The following MAML3 variants were observed in gnomAD, a reference collection of about 807,000 sequenced individuals.
MAML3 encodes the protein mastermind like transcriptional coactivator 3.
Under a neutral mutation model 101.9 loss-of-function variants are expected in MAML3, and 27 were observed. The observed-to-expected ratio is 0.27, with a 90% confidence interval of 0.20 to 0.37. The LOEUF (loss-of-function observed/expected upper bound fraction) is 0.37, where lower values mean the gene tolerates loss of function less well. Ranked by LOEUF, MAML3 falls within the 10% of genes least tolerant of loss-of-function variation. MAML3 has a pLI of 1.00. For missense variants in MAML3, 1,316 were observed against 1,444.9 expected, an observed-to-expected ratio of 0.91 and a Z score of 1.45; for synonymous variants, 501 against 555.9, an observed-to-expected ratio of 0.90 and a Z score of 1.39.
intron 1 of MAML3, among the ~76,000 whole-genome samples, chr4:140,028,258 G>A (rs1012608186): frequency 2.6e-5 from 4 of 152,290 alleles, no homozygotes; most frequent in Non-Finnish European, 4.4e-5. Flanking sequence ...GAAAGCATGT[G>A]TGGCTTCTAA....
chr4:139,890,574 A>G lies in MAML3; in HGVS notation c.862T>C (p.Ser288Pro), dbSNP rs113420760. 4.3e-6 allele frequency: 7 copies of G among 1,613,888 alleles called. No homozygotes were observed. Among genetic ancestry groups the G allele is most frequent in the Non-Finnish European group, 5.1e-6 (6 of 1,179,900 alleles). ...PLDDPTCIDTSETSLSNQNKL... is the reference protein window; with the variant it reads ...PLDDPTCIDTPETSLSNQNKL... ...TTCTGATTTGAAAGAGATGTTTCTG[A>G]TGTGTCTATGCAAGTAGGGTCATCG... Residue 288 changes from serine to proline, a missense_variant, in exon 2 of 5, where the codon TCA becomes CCA. By Grantham distance (74) the Ser-to-Pro change is moderately conservative (BLOSUM62 -1). Coordinates refer to ENST00000509479, the MANE Select transcript of MAML3 (RefSeq NM_018717.5). The surrounding 1 kb of genome is among the most constrained non-coding windows in gnomAD (Gnocchi z 4.1).
intron 1 of MAML3, among the ~76,000 whole-genome samples, chr4:139,984,607 A>G (rs1427423991): frequency 6.6e-6 from 1 of 152,234 alleles, no homozygotes; most frequent in African/African-American, 2.4e-5. Flanking sequence ...TCTCTAAAAA[A>G]ACAGAACCAA....
intron 1 of MAML3, among the ~76,000 whole-genome samples, chr4:140,009,392 C>T (rs1313454141): frequency 6.6e-6 from 1 of 152,204 alleles, no homozygotes; most frequent in East Asian, 1.9e-4. Context: ...CCGATCCTGA[C>T]CCACTTTCCC....
intron 1 of MAML3, among the ~76,000 whole-genome samples, chr4:140,122,035 C>G (rs987321482): frequency 6.6e-6 from 1 of 152,140 alleles, no homozygotes; most frequent in Non-Finnish European, 1.5e-5. Context: ...CTCCTTCCGC[C>G]ATGATTGTAA....
chr4:140,152,922 T>C lies in MAML3; in HGVS notation c.406A>G (p.Ser136Gly). ...GCCTCCGCATCTTGCTGGGGTTTGC[T>C]CGGGTGCTGCTGTTTGCCGGTGCCG... ...GAGTGKQQHP[S>G]KPQQDAEAAS... The change falls in exon 1 of 5, where the codon AGC becomes GGC. Residue 136 changes from serine (S) to glycine (G), a missense_variant. Ser to Gly is a moderately conservative substitution (Grantham distance 56). Coordinates refer to ENST00000509479, the MANE Select transcript of MAML3 (RefSeq NM_018717.5). The C allele has an allele frequency of 6.2e-7, 1 of 1,612,716 alleles. No homozygotes were observed. Among genetic ancestry groups the C allele is most frequent in the Non-Finnish European group, 8.5e-7 (1 of 1,179,688 alleles).
chr4:139,956,557 C>T (rs928688353), intron 1 of MAML3, among the ~76,000 whole-genome samples: 4 of 152,132 alleles, frequency 2.6e-5, no homozygotes, highest in Non-Finnish European at 5.9e-5. Context: ...AATAGAGTCC[C>T]CGAATGAAAG....
intron 1 of MAML3, among the ~76,000 whole-genome samples, chr4:140,024,989 C>T (rs1438237937): frequency 6.6e-6 from 1 of 152,190 alleles, no homozygotes; most frequent in Non-Finnish European, 1.5e-5. Flanking sequence ...ATTACTCTTT[C>T]CTAAGAGTAC....
At chr4:139,969,812 C>A (rs1734202786) in intron 1 of MAML3, among the ~76,000 whole-genome samples, 1 of 152,210 alleles carries the variant, frequency 6.6e-6, no homozygotes, top group African/African-American at 2.4e-5. Flanking sequence ...TAAACATTGG[C>A]AGCCCTGACT....
intron 2 of MAML3, among the ~76,000 whole-genome samples, chr4:139,809,755 C>G (rs1035857574): frequency 1.3e-5 from 2 of 152,172 alleles, no homozygotes; most frequent in Non-Finnish European, 2.9e-5. Flanking sequence ...TAACCCACCC[C>G]ACATGTGAGC....
At chr4:139,975,707 G>A (rs1343953982) in intron 1 of MAML3, among the ~76,000 whole-genome samples, 1 of 152,132 alleles carries the variant, frequency 6.6e-6, no homozygotes, top group Non-Finnish European at 1.5e-5. Context: ...GTGAATGAAG[G>A]CATGAATATA....
intron 2 of MAML3, among the ~76,000 whole-genome samples, chr4:139,795,857 C>T (rs993632342): frequency 3.9e-5 from 6 of 152,196 alleles, no homozygotes; most frequent in East Asian, 1.9e-4. Context: ...TGTGTAACTA[C>T]GCATGTATGT....
chr4:139,798,674 A>G (rs1380387259), intron 2 of MAML3, among the ~76,000 whole-genome samples: 1 of 152,226 alleles, frequency 6.6e-6, no homozygotes, highest in African/African-American at 2.4e-5. Context: ...GAGGTAAAAC[A>G]GGTCAGGGCC....
chr4:139,998,250 T>C lies in MAML3; in HGVS notation c.469-107283A>G, dbSNP rs114570556. Among the ~76,000 whole-genome samples, 379 of 152,282 alleles carry C rather than the reference T, an allele frequency of 2.5e-3. 2 individuals are homozygous for C. Among genetic ancestry groups the C allele is most frequent in the African/African-American group, 8.7e-3 (363 of 41,562 alleles). On this transcript the variant is annotated intron_variant, in intron 1 of 4. Coordinates refer to ENST00000509479, the MANE Select transcript of MAML3 (RefSeq NM_018717.5). ...ATTGATCTATCACATTAGCTGATGG[T>C]TTCTTCTGTCTTGTTGAATATGCTG...
At chr4:140,074,413 C>G (rs966290318) in intron 1 of MAML3, among the ~76,000 whole-genome samples, 5 of 152,084 alleles carry the variant, frequency 3.3e-5, no homozygotes, top group African/African-American at 1.2e-4. Context: ...TCGGAAGGGT[C>G]AGCTAACAGC....
chr4:139,906,426 T>C (rs912821663), intron 1 of MAML3, among the ~76,000 whole-genome samples: 1 of 152,204 alleles, frequency 6.6e-6, no homozygotes, highest in East Asian at 1.9e-4. Flanking sequence ...AAGTGTTTGT[T>C]CCCTGCAGCT....
intron 1 of MAML3, among the ~76,000 whole-genome samples, chr4:140,020,147 A>G (rs1726708933): frequency 6.6e-6 from 1 of 152,190 alleles, no homozygotes; most frequent in Non-Finnish European, 1.5e-5. Flanking sequence ...TGCATTTGGA[A>G]GTATTACAAT....
At chr4:139,804,057 C>A (rs1730661975) in intron 2 of MAML3, among the ~76,000 whole-genome samples, 1 of 152,172 alleles carries the variant, frequency 6.6e-6, no homozygotes. Flanking sequence ...CTTGGCTCTG[C>A]CCCTGAAGAG....
chr4:139,949,519 C>G (rs1733796871), intron 1 of MAML3, among the ~76,000 whole-genome samples: 1 of 152,196 alleles, frequency 6.6e-6, no homozygotes, highest in South Asian at 2.1e-4. Flanking sequence ...AAGCATGTCA[C>G]TGAAACAGTC....
intron 2 of MAML3, among the ~76,000 whole-genome samples, chr4:139,778,568 TC>T (rs1730134809): frequency 1.3e-5 from 2 of 152,220 alleles, no homozygotes; most frequent in Non-Finnish European, 2.9e-5. Flanking sequence ...GTTACTATTT[TC>T]CTTCTTCTTC....
Sources: gnomAD v4.1 joint callset for allele counts (sites outside exome capture counted in the v4.1 genomes callset) on GRCh38, gnomAD v4.1.1 for gene constraint, Gnocchi (gnomAD v3.1) non-coding constraint, MANE v1.5 for transcripts, NCBI Gene and HGNC (gene_info 2026-07-23, HGNC 2026-07-21) for gene names.